The following RTL4 variants were observed in gnomAD, a reference collection of about 807,000 sequenced individuals.
The protein encoded by RTL4 is retrotransposon Gag like 4, also known as retrotransposon Gag-like protein 4.
A neutral mutation model predicts 5.3 loss-of-function variants in RTL4; 4 were observed. The ratio of observed to expected loss-of-function variants is 0.75; its 90% CI spans 0.37 to 1.72. The LOEUF (loss-of-function observed/expected upper bound fraction) is 1.72. Among genes scored for constraint, RTL4 ranks in the 40% most tolerant of loss-of-function variants. The probability of loss-of-function intolerance (pLI) is 0.04; values close to 1 mark genes in which losing one functional copy is unlikely to be tolerated. For missense variants in RTL4, 260 were observed against 227.1 expected (o/e 1.14, Z -0.93); for synonymous variants, 98 against 87.3 (o/e 1.12, Z -0.68).
chrX:112,416,226 C>A, the RTL4 span, among the ~76,000 whole-genome samples: 9 of 111,679 alleles, frequency 8.1e-5, no homozygotes, highest in African/African-American at 2.9e-4. Flanking sequence ...CAAGGACCCA[C>A]CCTACTCCAG....
the RTL4 span, among the ~76,000 whole-genome samples, chrX:112,354,173 G>C: frequency 1.8e-5 from 2 of 111,310 alleles, no homozygotes; most frequent in African/African-American, 6.5e-5. Flanking sequence ...CCCCTTGAGG[G>C]GATGCAGTTG....
chrX:112,440,366 G>A, the RTL4 span, among the ~76,000 whole-genome samples: 1 of 111,483 alleles, frequency 9.0e-6, no homozygotes, highest in Admixed American at 9.5e-5. Context: ...GAATCTCTGA[G>A]GCCTGGTGGC....
the RTL4 span, among the ~76,000 whole-genome samples, chrX:112,230,561 G>A: frequency 1.2e-4 from 14 of 112,153 alleles, no homozygotes; most frequent in African/African-American, 1.9e-4. Context: ...AGATGAACCC[G>A]GTACCTCAGT....
At chrX:112,404,838 A>G in the RTL4 span, among the ~76,000 whole-genome samples, 1 of 112,299 alleles carries the variant, frequency 8.9e-6, no homozygotes, top group African/African-American at 3.2e-5. Flanking sequence ...CACACATTTA[A>G]AGAGTTTAAG....
chrX:112,103,386 A>G, the RTL4 span, among the ~76,000 whole-genome samples: 1 of 111,328 alleles, frequency 9.0e-6, no homozygotes, highest in Non-Finnish European at 1.9e-5. Flanking sequence ...ACATGAACAC[A>G]TGAGGAGGGA....
chrX:112,330,835 C>T, the RTL4 span, among the ~76,000 whole-genome samples: 1 of 110,880 alleles, frequency 9.0e-6, no homozygotes, highest in Non-Finnish European at 1.9e-5. Context: ...CAGAACAGAG[C>T]CCTCAAAAAT....
chrX:112,323,975 A>C, the RTL4 span, among the ~76,000 whole-genome samples: 1 of 112,446 alleles, frequency 8.9e-6, no homozygotes, highest in Non-Finnish European at 1.9e-5. Context: ...TAAACTGTAT[A>C]TTCAATGCAG....
At chrX:112,349,488 C>T in the RTL4 span, among the ~76,000 whole-genome samples, 1 of 108,938 alleles carries the variant, frequency 9.2e-6, no homozygotes, top group African/African-American at 3.3e-5. Flanking sequence ...ATTCTTCCTA[C>T]CCATGAGCAT....
At chrX:112,370,130 A>C in the RTL4 span, among the ~76,000 whole-genome samples, 1 of 111,653 alleles carries the variant, frequency 9.0e-6, no homozygotes, top group Non-Finnish European at 1.9e-5. Context: ...AAGTCATGAA[A>C]CTAAGTAAGA....
At chrX:112,449,936 C>T (rs767806194), upstream of RTL4, among the ~76,000 whole-genome samples, 7 of 112,061 alleles carry the variant, frequency 6.2e-5, no homozygotes, top group East Asian at 2.0e-3. Context: ...ACTGAGGTCT[C>T]CAGACAAATC....
chrX:112,212,365 G>T, the RTL4 span, among the ~76,000 whole-genome samples: 2 of 111,470 alleles, frequency 1.8e-5, no homozygotes, highest in Non-Finnish European at 3.8e-5. Context: ...GACAGAGCGA[G>T]ACTCCGTCTC....
At chrX:112,158,423 G>GTT in the RTL4 span, among the ~76,000 whole-genome samples, 5 of 109,027 alleles carry the variant, frequency 4.6e-5, no homozygotes, top group African/African-American at 1.7e-4. Context: ...ATGTTTTGGT[G>GTT]TTCTCTCTCT....
the RTL4 span, among the ~76,000 whole-genome samples, chrX:112,240,810 T>C: frequency 9.0e-6 from 1 of 110,991 alleles, no homozygotes; most frequent in African/African-American, 3.3e-5. Context: ...TTTCTCCTAA[T>C]GCTATCCCTC....
the RTL4 span, among the ~76,000 whole-genome samples, chrX:112,384,085 T>C: frequency 8.9e-6 from 1 of 112,230 alleles, no homozygotes; most frequent in Non-Finnish European, 1.9e-5. Context: ...GGTTTCTGGA[T>C]TATATTATAA....
the RTL4 span, among the ~76,000 whole-genome samples, chrX:112,236,422 TATATAGATATAG>T: frequency 5.3e-5 from 3 of 56,321 alleles, no homozygotes; most frequent in East Asian, 4.9e-4. Flanking sequence ...TCTATATCTA[TATATAGATATAG>T]ATCTATATCT....
chrX:112,240,967 C>T, the RTL4 span, among the ~76,000 whole-genome samples: 6 of 111,059 alleles, frequency 5.4e-5, no homozygotes, highest in Non-Finnish European at 9.4e-5. Context: ...TGGTTTCCAG[C>T]TTCATCCATG....
At chrX:112,177,966 TA>T in the RTL4 span, among the ~76,000 whole-genome samples, 8,515 of 99,435 alleles carry the variant, frequency 0.086, 906 homozygotes, top group African/African-American at 0.29. Flanking sequence ...ATAGCTTCAT[TA>T]AAAAAAAAAA....
At chrX:112,236,419 CTATATA>C in the RTL4 span, among the ~76,000 whole-genome samples, 1 of 52,984 alleles carries the variant, frequency 1.9e-5, no homozygotes, top group African/African-American at 7.7e-5. Context: ...AGATCTATAT[CTATATA>C]TAGATATAGA....
At chrX:112,204,429 A>G in the RTL4 span, among the ~76,000 whole-genome samples, 1 of 112,383 alleles carries the variant, frequency 8.9e-6, no homozygotes, top group Non-Finnish European at 1.9e-5. Flanking sequence ...GTGTTCATCA[A>G]CAGGTGAATG....
Sources: gnomAD v4.1 joint callset for allele counts (sites outside exome capture counted in the v4.1 genomes callset) on GRCh38, gnomAD v4.1.1 for gene constraint, MANE v1.5 for transcripts, NCBI Gene and HGNC (gene_info 2026-07-23, HGNC 2026-07-21) for gene names.